Variants in BCAS3 observed in about 807,000 individuals in gnomAD.
BCAS3 encodes BCAS4/BCAS3 fusion.
BCAS3 carries 53 observed loss-of-function variants against 116.1 expected under a neutral mutation model. The ratio of observed to expected loss-of-function variants is 0.46; its 90% CI spans 0.37 to 0.57. BCAS3 has a LOEUF of 0.57. Among genes scored for constraint, BCAS3 ranks in the 20% least tolerant of loss-of-function variants. The pLI, the probability that BCAS3 is intolerant of heterozygous loss-of-function variation, is 0.00. For synonymous variants in BCAS3, 391 were observed against 408.2 expected, an observed-to-expected ratio of 0.96 and a Z score of 0.51; for missense variants, 917 against 1,165.4, an observed-to-expected ratio of 0.79 and a Z score of 3.10.
rs1178136990 is a variant in BCAS3 at position 60,947,281 on chromosome 17, C to T, written c.1150C>T (p.His384Tyr). 3.1e-6 allele frequency: 5 copies of T among 1,612,480 alleles called. No homozygotes were observed. Among genetic ancestry groups the T allele is most frequent in the Admixed American group, 3.3e-5 (2 of 59,998 alleles). ...CTTTCATGTCTTCCAAATTCTGACT[C>T]ATCCTTGGTCCTCATCACAATGTGC... Reference protein sequence around the residue: ...HDFHVFQILTHPWSSSQCAVH... With the variant: ...HDFHVFQILTYPWSSSQCAVH... Residue 384 changes from histidine to tyrosine, a missense_variant, in exon 14 of 24, where the codon CAT becomes TAT. By Grantham distance (83) the His-to-Tyr change is moderately conservative. Around this residue, in one of 3 missense-constraint regions of BCAS3, gnomAD observed 807 missense variants for 1,026.0 expected, o/e 0.79. Transcript: ENST00000407086.
chr17:61,221,041 A>G (rs1034509812), intron 22 of BCAS3, among the ~76,000 whole-genome samples: 1 of 152,252 alleles, frequency 6.6e-6, no homozygotes, highest in Admixed American at 6.5e-5. Context: ...CAGAGCTCGC[A>G]GTGAGCCGAG....
intron 12 of BCAS3, among the ~76,000 whole-genome samples, chr17:60,911,504 G>T (rs928188839): frequency 6.6e-6 from 1 of 152,136 alleles, no homozygotes; most frequent in Non-Finnish European, 1.5e-5. Context: ...CTCCGTGTTG[G>T]CCAGGCTGGT....
chr17:60,685,394 G>A (rs1049268914), intron 3 of BCAS3, among the ~76,000 whole-genome samples: 8 of 147,536 alleles, frequency 5.4e-5, no homozygotes, highest in Non-Finnish European at 1.2e-4. Flanking sequence ...AGGTTGCAGT[G>A]AGCTGAGATC....
chr17:61,257,506 C>T (rs1379821730), intron 22 of BCAS3, among the ~76,000 whole-genome samples: 1 of 151,806 alleles, frequency 6.6e-6, no homozygotes, highest in Middle Eastern at 3.2e-3. Context: ...TTTACCAAGC[C>T]ACCTTCCTTT....
At chr17:60,707,246 G>A (rs575524500) in intron 4 of BCAS3, among the ~76,000 whole-genome samples, 3 of 152,004 alleles carry the variant, frequency 2.0e-5, no homozygotes, top group South Asian at 2.1e-4. Context: ...GCCTGTCTCC[G>A]CCTCCCAAAG....
intron 12 of BCAS3, among the ~76,000 whole-genome samples, chr17:60,917,608 T>TA (rs921004247): frequency 1.3e-5 from 2 of 152,022 alleles, no homozygotes; most frequent in African/African-American, 4.8e-5. Flanking sequence ...TTTTTTTTTT[T>TA]ATTGAAATGG....
Position 61,065,048 on chromosome 17 carries a change from A to T in BCAS3, c.2030-9872A>T, listed in dbSNP as rs1373677192. On this transcript the variant is annotated intron_variant, in intron 19 of 23. Transcript: ENST00000407086. This position sits in a 1 kb window ranked among gnomAD's most constrained non-coding sequence, Gnocchi z 4.8. ...TAATACTACCCATTTTCAAGTAGTT[A>T]TGTGTGTTATTTTTAATCTGAAAGG... is the stretch of plus-strand genomic sequence containing the variant. 6.6e-6 allele frequency among the ~76,000 whole-genome samples: 1 copy of T among 152,210 alleles called. No homozygotes were observed. The highest frequency in any genetic ancestry group is 1.5e-5 in the Non-Finnish European group (1 of 68,032).
At chr17:61,357,588 C>T (rs998512198) in intron 22 of BCAS3, among the ~76,000 whole-genome samples, 14 of 149,144 alleles carry the variant, frequency 9.4e-5, no homozygotes, top group African/African-American at 2.7e-4. Context: ...GGGTTATAGG[C>T]GCCTGCCACC....
At chr17:60,849,656 T>C (rs1223514883) in intron 7 of BCAS3, among the ~76,000 whole-genome samples, 1 of 152,178 alleles carries the variant, frequency 6.6e-6, no homozygotes, top group Non-Finnish European at 1.5e-5. Context: ...TTAACAAATA[T>C]CAGGCCGGGC....
chr17:61,059,048 CT>C (rs922883073), intron 19 of BCAS3, among the ~76,000 whole-genome samples: 8 of 79,108 alleles, frequency 1.0e-4, no homozygotes, highest in Non-Finnish European at 2.0e-4. Flanking sequence ...TCCCCGAACT[CT>C]TTTTTCTCCC....
chr17:60,965,797 G>A (rs543166849), intron 14 of BCAS3, among the ~76,000 whole-genome samples: 7 of 152,322 alleles, frequency 4.6e-5, no homozygotes, highest in African/African-American at 1.7e-4. Flanking sequence ...CCATGTGCTA[G>A]TAAAGAAAAT....
intron 7 of BCAS3, among the ~76,000 whole-genome samples, chr17:60,838,598 T>C (rs900885546): frequency 6.6e-6 from 1 of 151,942 alleles, no homozygotes; most frequent in Non-Finnish European, 1.5e-5. Context: ...TTTAGGTTCA[T>C]TGGATGATAT....
intron 6 of BCAS3, among the ~76,000 whole-genome samples, chr17:60,802,873 T>A (rs558975178): frequency 3.3e-4 from 51 of 152,316 alleles, no homozygotes; most frequent in African/African-American, 1.1e-3. Flanking sequence ...CGCCTCGGCC[T>A]CCTAAAATGC....
At chr17:60,950,772 T>C (rs1462569851) in intron 14 of BCAS3, among the ~76,000 whole-genome samples, 2 of 152,208 alleles carry the variant, frequency 1.3e-5, no homozygotes, top group African/African-American at 4.8e-5. Context: ...ATGATGTCCA[T>C]GTAGGTGGGT....
At chr17:61,109,315 G>GTGTGTGTATA (rs1383803332) in intron 22 of BCAS3, among the ~76,000 whole-genome samples, 1 of 151,200 alleles carries the variant, frequency 6.6e-6, no homozygotes, top group East Asian at 1.9e-4. Context: ...GTGTGTGTGT[G>GTGTGTGTATA]TATACACGCC....
rs577048355 is a variant in BCAS3, at chr17:61,211,936, G to C, written c.2425+127372G>C. The stretch of plus-strand genomic sequence containing the variant: ...ATTCACTGTTGCAGTTTGCTGTGTG[G>C]GTGTTTCTACAATGTGGGAAACTTG... On this transcript the variant is annotated intron_variant, in intron 22 of 23. Coordinates refer to ENST00000407086, the MANE Select transcript of BCAS3 (RefSeq NM_017679.5). This position sits in a 1 kb window ranked among gnomAD's most constrained non-coding sequence, Gnocchi z 4.4. Among the ~76,000 whole-genome samples the C allele has an allele frequency of 6.6e-4, 101 of 152,256 alleles. No homozygotes were observed. The highest frequency in any genetic ancestry group is 2.0e-3 in the African/African-American group (83 of 41,546).
intron 10 of BCAS3, among the ~76,000 whole-genome samples, chr17:60,892,050 T>A (rs1289492615): frequency 1.3e-5 from 2 of 152,212 alleles, no homozygotes; most frequent in Non-Finnish European, 2.9e-5. Flanking sequence ...AATAATCAGC[T>A]GCTGATAGAC....
At chr17:60,700,989 A>G (rs890167770) in intron 4 of BCAS3, among the ~76,000 whole-genome samples, 1 of 152,110 alleles carries the variant, frequency 6.6e-6, no homozygotes, top group African/African-American at 2.4e-5. Flanking sequence ...GACATCTGTA[A>G]TCCCAGCACT....
Position 61,037,878 on chromosome 17 carries a change from T to G in BCAS3, c.1763-11T>G, listed in dbSNP as rs762017788. 1.7e-5 allele frequency: 27 copies of G among 1,611,042 alleles called. 2 individuals carry two copies. Among genetic ancestry groups the G allele is most frequent in the Admixed American group, 1.7e-4 (10 of 59,692 alleles). ...ATCATAACACATCGGGTTCTGTTTC[T>G]CTGTTTGTAGATCAGTCCAAACAAG... On this transcript the variant is annotated splice_polypyrimidine_tract_variant and intron_variant, in intron 17 of 23. Transcript: ENST00000407086. The surrounding 1 kb of genome is among the most constrained non-coding windows in gnomAD (Gnocchi z 4.7).
Sources: allele counts gnomAD v4.1 joint callset (sites outside exome capture counted in the v4.1 genomes callset), GRCh38; gene constraint gnomAD v4.1.1; regional missense constraint gnomAD v4.1.1; non-coding constraint Gnocchi (gnomAD v3.1); transcripts MANE v1.5; gene names NCBI Gene and HGNC (gene_info 2026-07-23, HGNC 2026-07-21).